LRRFIP2: variants seen among roughly 807,000 people sequenced by gnomAD.
LRRFIP2 encodes leucine-rich repeat flightless-interacting protein 2.
In LRRFIP2, 109 loss-of-function variants were observed where a neutral mutation model predicts 125.9. The ratio of observed to expected loss-of-function variants is 0.87; its 90% CI spans 0.74 to 1.01. The LOEUF is 1.01. Among genes scored for constraint, LRRFIP2 ranks in the 50% least tolerant of loss-of-function variants. LRRFIP2 has a pLI of 0.00. For missense variants in LRRFIP2, 850 were observed against 862.3 expected, an observed-to-expected ratio of 0.99 and a Z score of 0.18; for synonymous variants, 291 against 293.1, an observed-to-expected ratio of 0.99 and a Z score of 0.07.
intron 19 of LRRFIP2, among the ~76,000 whole-genome samples, chr3:37,081,892 G>GAAA (rs67658865): frequency 4.4e-5 from 3 of 68,342 alleles, no homozygotes; most frequent in African/African-American, 4.7e-5. Flanking sequence ...GTCTCCAAAA[G>GAAA]AAAAAAAAAA....
intron 1 of LRRFIP2, among the ~76,000 whole-genome samples, chr3:37,158,698 A>T (rs2096262066): frequency 6.6e-6 from 1 of 152,146 alleles, no homozygotes; most frequent in Admixed American, 6.6e-5. Flanking sequence ...AAAGAACCAA[A>T]GAATCAAGAT....
chr3:37,070,451 T>G (rs942198022), intron 21 of LRRFIP2, among the ~76,000 whole-genome samples: 1 of 151,878 alleles, frequency 6.6e-6, no homozygotes, highest in African/African-American at 2.4e-5. Context: ...AATCTAAAAT[T>G]CTGGCCGGGC....
intron 25 of LRRFIP2, among the ~76,000 whole-genome samples, chr3:37,058,214 G>GT (rs1332239019): frequency 6.6e-6 from 1 of 152,176 alleles, no homozygotes; most frequent in Non-Finnish European, 1.5e-5. Context: ...TGTGCAAAAA[G>GT]TTCCTAGAAA....
chr3:37,068,335 G>C (rs978487029), intron 21 of LRRFIP2: 1 of 152,174 alleles, frequency 6.6e-6, no homozygotes, highest in Non-Finnish European at 1.5e-5. Context: ...GACCTCTGAG[G>C]AACAGGCCAA....
chr3:37,135,303 A>G (rs1239113077), intron 2 of LRRFIP2, among the ~76,000 whole-genome samples: 1 of 152,070 alleles, frequency 6.6e-6, no homozygotes, highest in Non-Finnish European at 1.5e-5. Flanking sequence ...TACTAAAAAT[A>G]CACAAATTAG....
In LRRFIP2 at chr3:37,112,955, C is replaced by A; in HGVS notation, c.398G>T (p.Gly133Val). The A allele has an allele frequency of 6.3e-7, 1 of 1,581,914 alleles. No individual in the cohort carries two copies. Among genetic ancestry groups the A allele is most frequent in the Non-Finnish European group, 8.7e-7 (1 of 1,155,240 alleles). Residue 133 changes from glycine (G) to valine (V), a missense_variant, in exon 8 of 28, where the codon GGA becomes GTA. Physicochemically the swap from Gly to Val is moderately radical, Grantham distance 109. Transcript: ENST00000336686. ...AGAATCAGAAGACCTCTTCTTCATT[C>A]CATGAGAGTGACTGTAAGAATGATT... ...SLNHSYSHSH[G>V]MKKRSSDSHK...
At chr3:37,054,985 A>G (rs2086403587) in intron 26 of LRRFIP2, 101 bp downstream of exon 26, 1 of 728,538 alleles carries the variant, frequency 1.4e-6, no homozygotes, top group Middle Eastern at 2.4e-4. Context: ...CAGAACTATT[A>G]TTGATCCAAC....
chr3:37,073,525 T>C (rs1186461048), intron 20 of LRRFIP2, among the ~76,000 whole-genome samples: 1 of 152,184 alleles, frequency 6.6e-6, no homozygotes, highest in African/African-American at 2.4e-5. Flanking sequence ...TCCCTACTCA[T>C]ACATTAGGTA....
intron 15 of LRRFIP2, 75 bp from the exon 16 acceptor site, chr3:37,096,735 T>C (rs1266368655): frequency 3.9e-6 from 3 of 760,468 alleles, no homozygotes; most frequent in African/African-American, 3.6e-5. Flanking sequence ...AAAAGTGATC[T>C]TGAGTTTTCC....
intron 1 of LRRFIP2, among the ~76,000 whole-genome samples, chr3:37,162,112 T>C (rs1331543707): frequency 7.7e-6 from 1 of 129,368 alleles, no homozygotes; most frequent in South Asian, 2.3e-4. Flanking sequence ...GTCATGTTGA[T>C]GCTACTGTAC....
chr3:37,099,938 T>C (rs1251607200), intron 15 of LRRFIP2, among the ~76,000 whole-genome samples: 1 of 152,112 alleles, frequency 6.6e-6, no homozygotes, highest in Non-Finnish European at 1.5e-5. Flanking sequence ...TTGCCAGCAT[T>C]TAAAAATCAT....
intron 2 of LRRFIP2, among the ~76,000 whole-genome samples, chr3:37,137,995 T>C (rs2095600564): frequency 6.6e-6 from 1 of 152,204 alleles, no homozygotes; most frequent in South Asian, 2.1e-4. Flanking sequence ...AAATAGGCTC[T>C]TTGTACTTTC....
chr3:37,130,309 TTA>T (rs1239035357), intron 2 of LRRFIP2, among the ~76,000 whole-genome samples: 1 of 152,224 alleles, frequency 6.6e-6, no homozygotes, highest in Non-Finnish European at 1.5e-5. Context: ...TTCTACATGG[TTA>T]TATGATGGAC....
intron 2 of LRRFIP2, among the ~76,000 whole-genome samples, chr3:37,146,051 G>C (rs1264827705): frequency 6.6e-6 from 1 of 152,120 alleles, no homozygotes; most frequent in Admixed American, 6.5e-5. Context: ...ATTTTTTAAA[G>C]AAAGCATCAC....
intron 19 of LRRFIP2, among the ~76,000 whole-genome samples, chr3:37,077,697 T>C (rs2092233575): frequency 6.6e-6 from 1 of 152,290 alleles, no homozygotes; most frequent in African/African-American, 2.4e-5. Flanking sequence ...TCTAGATAGT[T>C]ACAAAATTGT....
At chr3:37,130,419 C>T (rs1235887019) in intron 2 of LRRFIP2, among the ~76,000 whole-genome samples, 1 of 152,102 alleles carries the variant, frequency 6.6e-6, no homozygotes, top group African/African-American at 2.4e-5. Context: ...GCAAAAATTC[C>T]ACAGAACAGC....
chr3:37,166,173 T>TA (rs1560169543), intron 1 of LRRFIP2, among the ~76,000 whole-genome samples: 1 of 151,820 alleles, frequency 6.6e-6, no homozygotes, highest in Admixed American at 6.6e-5. Context: ...CTACTAAAAA[T>TA]ACAAAAATTA....
intron 2 of LRRFIP2, among the ~76,000 whole-genome samples, chr3:37,135,420 T>C (rs2095534367): frequency 6.7e-6 from 1 of 148,546 alleles, no homozygotes. Flanking sequence ...ATTATGCCAC[T>C]GCACTCCAGC....
intron 19 of LRRFIP2, among the ~76,000 whole-genome samples, 182 bp from the exon 20 acceptor site, chr3:37,075,298 G>A (rs1324912192): frequency 6.6e-6 from 1 of 151,972 alleles, no homozygotes; most frequent in South Asian, 2.1e-4. Context: ...ATTCCATCTT[G>A]TATAATTATC....
Sources: gnomAD v4.1 joint callset for allele counts (sites outside exome capture counted in the v4.1 genomes callset) on GRCh38, gnomAD v4.1.1 for gene constraint, MANE v1.5 for transcripts, NCBI Gene and HGNC (gene_info 2026-07-23, HGNC 2026-07-21) for gene names.